Variants in FNDC1 observed in about 807,000 individuals in gnomAD.
FNDC1 encodes the protein fibronectin type III domain containing 1.
Under a neutral mutation model 168.0 loss-of-function variants are expected in FNDC1, and 96 were observed. The observed-to-expected ratio is 0.57, with a 90% CI of 0.48 to 0.68. FNDC1 has a LOEUF of 0.68. Ranked by LOEUF, FNDC1 falls within the 30% of genes least tolerant of loss-of-function variation. The probability of loss-of-function intolerance (pLI) is 0.00; values close to 1 mark genes in which losing one functional copy is unlikely to be tolerated. For missense variants in FNDC1, 2,587 were observed against 2,482.1 expected (o/e 1.04, Z -0.90); for synonymous variants, 1,099 against 1,025.9 (o/e 1.07, Z -1.36).
In FNDC1 at chr6:159,271,337, C is replaced by T. The variant is rs758958713; in HGVS notation, c.5580C>T (p.Arg1860=). 1 of 1,608,342 alleles carries T rather than the reference C, an allele frequency of 6.2e-7. No homozygotes were observed. The highest frequency in any genetic ancestry group is 8.5e-7 in the Non-Finnish European group (1 of 1,177,380). ...EALPTIQGYY[R]QYRQEPVRFG... is the part of the protein sequence containing the mutation. The stretch of plus-strand genomic sequence containing the variant: ...CTGTTGCCCTTCCAGGCTACTATCG[C>T]CAGTATCGTCAGGAGCCTGTCAGGT... The change falls in exon 23 of 23, where the codon CGC becomes CGT. Residue 1860 remains arginine (R), a synonymous_variant. Transcript: ENST00000297267.
intron 21 of FNDC1, among the ~76,000 whole-genome samples, chr6:159,267,005 A>G (rs1421884957): frequency 1.3e-5 from 2 of 151,718 alleles, no homozygotes; most frequent in Non-Finnish European, 2.9e-5. Context: ...AACTTGCACA[A>G]CTCTAAATTT....
chr6:159,183,802 A>C (rs1386763123), intron 1 of FNDC1, among the ~76,000 whole-genome samples: 1 of 152,218 alleles, frequency 6.6e-6, no homozygotes, highest in Non-Finnish European at 1.5e-5. Context: ...TCGGACATAG[A>C]GTAAGCTGAG....
At chr6:159,221,061 T>C (rs1583882125) in intron 5 of FNDC1, among the ~76,000 whole-genome samples, 1 of 152,340 alleles carries the variant, frequency 6.6e-6, no homozygotes, top group East Asian at 1.9e-4. Flanking sequence ...TTAGCAAATC[T>C]TCAGAGACTC....
chr6:159,227,650 T>C (rs116340338), intron 9 of FNDC1, among the ~76,000 whole-genome samples: 46,142 of 147,122 alleles, frequency 0.31, 9,262 homozygotes, highest in African/African-American at 0.6. Flanking sequence ...CTTTCTCTTT[T>C]TTTTTTTTTT....
In FNDC1 at chr6:159,252,099, T is replaced by C. The variant is rs145974389; in HGVS notation, c.5065+567T>C. ...GAGGTGATGAAAAAATGCCCAAGGA[T>C]CTTGAGCCTCCTTGGCCTCTGAGAT... On this transcript the variant is annotated intron_variant, in intron 17 of 22. Transcript: ENST00000297267. Among the ~76,000 whole-genome samples, 111 of 152,300 alleles carry C rather than the reference T, an allele frequency of 7.3e-4. No individual in the cohort carries two copies. In the East Asian group the frequency reaches 0.021, roughly 29 times the overall value.
In FNDC1 at chr6:159,257,281, C is replaced by A. The variant is rs74822078; in HGVS notation, c.5174+650C>A. ...TCCTGGGTGGGTGAGCATGGGAAAG[C>A]ACCAAGCACTTGAGGGTCAAGAGTG... On this transcript the variant is annotated intron_variant, in intron 18 of 22. Coordinates refer to ENST00000297267, the MANE Select transcript of FNDC1 (RefSeq NM_032532.3). Among the ~76,000 whole-genome samples the A allele has an allele frequency of 1.9e-3, 284 of 152,326 alleles. 2 individuals carry two copies. The highest frequency in any genetic ancestry group is 6.6e-3 in the African/African-American group (275 of 41,576).
In FNDC1 at chr6:159,197,482, G is replaced by A. The variant is rs748043116; in HGVS notation, c.161G>A (p.Gly54Asp). ...GTGAAACTGCTGTCCACTAAAATGGGCCTGAAAGTCACGTGGGACCCACCC... is the reference window on the plus strand; with the variant it reads ...GTGAAACTGCTGTCCACTAAAATGGACCTGAAAGTCACGTGGGACCCACCC... ...RHVKLLSTKM[G>D]LKVTWDPPKD... is the part of the protein sequence containing the mutation. The change falls in exon 2 of 23, where the codon GGC becomes GAC. Residue 54 changes from glycine (G) to aspartate (D), a missense_variant. By Grantham distance (94) the Gly-to-Asp change is moderately conservative. Transcript: ENST00000297267. 4 of 1,613,846 alleles carry A rather than the reference G, an allele frequency of 2.5e-6. No homozygotes were observed. Among genetic ancestry groups the A allele is most frequent in the South Asian group, 2.2e-5 (2 of 91,052 alleles).
At chr6:159,210,631 G>T (rs979108797) in intron 4 of FNDC1, among the ~76,000 whole-genome samples, 1 of 152,212 alleles carries the variant, frequency 6.6e-6, no homozygotes, top group Non-Finnish European at 1.5e-5. Context: ...TTTCAGGAGG[G>T]TTATGTGTCA....
chr6:159,262,800 C>T (rs1470982543), intron 19 of FNDC1, among the ~76,000 whole-genome samples: 1 of 152,210 alleles, frequency 6.6e-6, no homozygotes, highest in East Asian at 1.9e-4. Context: ...AAGGCCCCAC[C>T]CTACCCTCTG....
chr6:159,257,553 C>T (rs1027367245), intron 18 of FNDC1, among the ~76,000 whole-genome samples: 2 of 152,154 alleles, frequency 1.3e-5, no homozygotes, highest in African/African-American at 4.8e-5. Flanking sequence ...CAAGGCCTCT[C>T]ATTTTCTACA....
At chr6:159,180,401 G>C (rs1362501967) in intron 1 of FNDC1, among the ~76,000 whole-genome samples, 1 of 152,134 alleles carries the variant, frequency 6.6e-6, no homozygotes, top group Admixed American at 6.5e-5. Flanking sequence ...TATATTTTTG[G>C]AAGGGATACA....
chr6:159,241,958 A>C (rs979850981), intron 14 of FNDC1, among the ~76,000 whole-genome samples: 1 of 152,202 alleles, frequency 6.6e-6, no homozygotes, highest in Non-Finnish European at 1.5e-5. Flanking sequence ...CTTTATAGTA[A>C]GAGCACTCAC....
In FNDC1 at chr6:159,269,514, G is replaced by GCATCCATCTATCCATCCATCCATC. The variant is rs1374245268; in HGVS notation, c.5569+1596_5569+1597insTATCCATCCATCCATCCATCCATC. On this transcript the variant is annotated intron_variant, in intron 22 of 22. Transcript: ENST00000297267. ...TCTATCTATCTATCCATCCATCCAT[G>GCATCCATCTATCCATCCATCCATC]CATCCATCCATCCATCCATCCATCC... 9.8e-4 allele frequency among the ~76,000 whole-genome samples: 84 copies of GCATCCATCTATCCATCCATCCATC among 86,076 alleles called. 3 individuals are homozygous for GCATCCATCTATCCATCCATCCATC. Among genetic ancestry groups the GCATCCATCTATCCATCCATCCATC allele is most frequent in the African/African-American group, 2.3e-3 (53 of 22,778 alleles). The allele number at this position is 86,076 out of a possible 152,430, so 56.5% of individuals were successfully genotyped here.
chr6:159,256,652 A>G (rs760720485), intron 18 of FNDC1, 21 bp downstream of exon 18: 2 of 1,525,120 alleles, frequency 1.3e-6, no homozygotes. Flanking sequence ...TCAGTCATTT[A>G]GAAAAGATGA....
chr6:159,263,124 C>T (rs1382538308), intron 19 of FNDC1, among the ~76,000 whole-genome samples: 1 of 152,202 alleles, frequency 6.6e-6, no homozygotes, highest in African/African-American at 2.4e-5. Flanking sequence ...GTTTGTTTCA[C>T]TCCACCTGCC....
intron 8 of FNDC1, 30 bp from the exon 9 acceptor site, chr6:159,226,443 A>T (rs1275812473): frequency 1.3e-6 from 2 of 1,561,930 alleles, no homozygotes; most frequent in Non-Finnish European, 1.8e-6. Flanking sequence ...TAAGGCATTT[A>T]AAAATGTTTC....
chr6:159,225,032 C>T (rs977460432), intron 7 of FNDC1, among the ~76,000 whole-genome samples: 2 of 152,152 alleles, frequency 1.3e-5, no homozygotes, highest in Admixed American at 6.5e-5. Context: ...TAAGTCTACT[C>T]AAAACCACAT....
chr6:159,210,168 T>C (rs6910588), intron 4 of FNDC1, among the ~76,000 whole-genome samples: 17,268 of 152,246 alleles, frequency 0.11, 1,069 homozygotes, highest in Non-Finnish European at 0.14. Context: ...GCCAGTGTGA[T>C]TTGGGAGGCA....
intron 15 of FNDC1, among the ~76,000 whole-genome samples, chr6:159,247,659 G>T (rs910335158): frequency 1.3e-5 from 2 of 152,112 alleles, no homozygotes; most frequent in Non-Finnish European, 2.9e-5. Flanking sequence ...TGAGACAGGT[G>T]GATTGTTTTC....
Sources: gnomAD v4.1 joint callset for allele counts (sites outside exome capture counted in the v4.1 genomes callset) on GRCh38, gnomAD v4.1.1 for gene constraint, MANE v1.5 for transcripts, NCBI Gene and HGNC (gene_info 2026-07-23, HGNC 2026-07-21) for gene names.